CDK14: variants seen among roughly 807,000 people sequenced by gnomAD.
The protein encoded by CDK14 is cyclin-dependent kinase 14.
In CDK14, 34 loss-of-function variants were observed where a neutral mutation model predicts 60.7. The observed-to-expected ratio is 0.56, with a 90% CI of 0.43 to 0.75. The LOEUF (loss-of-function observed/expected upper bound fraction) is 0.75. CDK14 is among the 30% of genes least tolerant of loss of function. The pLI is 0.00. For missense variants in CDK14, 482 were observed against 564.1 expected (o/e 0.85, Z 1.47); for synonymous variants, 197 against 203.7 (o/e 0.97, Z 0.28).
intron 5 of CDK14, among the ~76,000 whole-genome samples, chr7:90,845,410 T>C (rs914179948): frequency 8.5e-5 from 13 of 152,258 alleles, no homozygotes; most frequent in Admixed American, 7.2e-4. Context: ...AAAACTATTA[T>C]ATAGAAATAT....
intron 4 of CDK14, among the ~76,000 whole-genome samples, chr7:90,772,089 C>G (rs1428852172): frequency 6.6e-6 from 1 of 152,142 alleles, no homozygotes; most frequent in Non-Finnish European, 1.5e-5. Context: ...TGGATATAGT[C>G]TCTGTACCTG....
intron 2 of CDK14, among the ~76,000 whole-genome samples, chr7:90,625,410 T>A (rs2116384990): frequency 6.6e-6 from 1 of 152,334 alleles, no homozygotes; most frequent in African/African-American, 2.4e-5. Flanking sequence ...TTCAGTTGGT[T>A]AGTTTCTTCC....
Position 90,815,396 on chromosome 7 carries a change from A to G in CDK14, c.544+24744A>G, listed in dbSNP as rs192069885. On this transcript the variant is annotated intron_variant, in intron 5 of 14. Coordinates refer to ENST00000380050, the MANE Select transcript of CDK14 (RefSeq NM_001287135.2). The stretch of plus-strand genomic sequence containing the variant: ...TCATCTCATGCCAGTTAGAATGGCA[A>G]TCATTAAAAAGTCAGGGAACAACAG... Among the ~76,000 whole-genome samples the G allele has an allele frequency of 3.0e-3, 455 of 152,336 alleles. 3 individuals are homozygous for G. The highest frequency in any genetic ancestry group is 0.01 in the African/African-American group (420 of 41,564).
chr7:91,163,994 C>A (rs765566280), intron 14 of CDK14, among the ~76,000 whole-genome samples: 1 of 151,456 alleles, frequency 6.6e-6, no homozygotes, highest in Non-Finnish European at 1.5e-5. Context: ...ATATTGGATT[C>A]ATATTGCCTA....
In CDK14 at chr7:91,004,101, T is replaced by C. The variant is rs1225890431; in HGVS notation, c.1041+19860T>C. Among the ~76,000 whole-genome samples, 13 of 152,162 alleles carry C rather than the reference T, an allele frequency of 8.5e-5. No individual in the cohort carries two copies. The East Asian group carries it at 2.5e-3, about 30-fold the overall frequency. ...TGATCTATGCGTTCATACTACAAAGTAGAAGTATAGAAGCAAATTAAATTG... is the reference window on the plus strand; with the variant it reads ...TGATCTATGCGTTCATACTACAAAGCAGAAGTATAGAAGCAAATTAAATTG... On this transcript the variant is annotated intron_variant, in intron 10 of 14. Transcript: ENST00000380050.
intron 11 of CDK14, among the ~76,000 whole-genome samples, chr7:91,047,081 A>G (rs2116031981): frequency 6.6e-6 from 1 of 152,262 alleles, no homozygotes; most frequent in South Asian, 2.1e-4. Context: ...TTTTAAATGG[A>G]CTGACTTTCT....
At chr7:90,940,221 A>G (rs1026652956) in intron 8 of CDK14, among the ~76,000 whole-genome samples, 3 of 152,148 alleles carry the variant, frequency 2.0e-5, no homozygotes, top group South Asian at 2.1e-4. Context: ...TTTCTTATGC[A>G]TCTTTCCAGA....
chr7:90,924,722 A>G (rs539972919), intron 8 of CDK14, among the ~76,000 whole-genome samples: 6 of 152,102 alleles, frequency 3.9e-5, no homozygotes, highest in Non-Finnish European at 7.4e-5. Flanking sequence ...TTAATTTGTG[A>G]TTTTAAACCT....
chr7:90,857,708 G>GT (rs1282305316), intron 5 of CDK14, among the ~76,000 whole-genome samples: 1 of 152,178 alleles, frequency 6.6e-6, no homozygotes, highest in East Asian at 1.9e-4. Context: ...TGCTTGTCTT[G>GT]ATGAGGGAGA....
At chr7:91,030,431 G>C (rs1175327517) in intron 10 of CDK14, among the ~76,000 whole-genome samples, 2 of 151,924 alleles carry the variant, frequency 1.3e-5, no homozygotes, top group Non-Finnish European at 2.9e-5. Context: ...AGTTACTGTG[G>C]GCATAGCACC....
intron 4 of CDK14, among the ~76,000 whole-genome samples, chr7:90,789,798 G>A (rs1805750904): frequency 6.6e-6 from 1 of 152,046 alleles, no homozygotes; most frequent in African/African-American, 2.4e-5. Flanking sequence ...CCCAGTGTAG[G>A]TAGAAAATAG....
chr7:91,034,449 C>T (rs927297611), intron 10 of CDK14, among the ~76,000 whole-genome samples: 1 of 152,024 alleles, frequency 6.6e-6, no homozygotes, highest in Non-Finnish European at 1.5e-5. Context: ...CAGTAACCTT[C>T]TAGCAGGTGA....
chr7:91,107,523 A>T (rs1204053846), intron 12 of CDK14: 2 of 152,186 alleles, frequency 1.3e-5, no homozygotes, highest in Non-Finnish European at 2.9e-5. Context: ...CCTGTTGATG[A>T]CTGGTTATGT....
chr7:90,608,576 G>C, intron 2 of CDK14: 1 of 983,316 alleles, frequency 1.0e-6, no homozygotes, highest in Non-Finnish European at 1.2e-6. Flanking sequence ...TGGCTCTTTG[G>C]TGAGAAATAC....
At chr7:90,895,864 C>T (rs1792321335) in intron 6 of CDK14, among the ~76,000 whole-genome samples, 1 of 151,194 alleles carries the variant, frequency 6.6e-6, no homozygotes, top group African/African-American at 2.4e-5. Context: ...ACATAAGCCA[C>T]CATGCCCACC....
chr7:90,676,511 C>A (rs1049209204), intron 2 of CDK14, among the ~76,000 whole-genome samples: 1 of 150,558 alleles, frequency 6.6e-6, no homozygotes, highest in Non-Finnish European at 1.5e-5. Flanking sequence ...ACTCCAGGAC[C>A]AGTCTTAGAT....
chr7:91,110,807 G>A (rs1388319634), intron 12 of CDK14, among the ~76,000 whole-genome samples: 31 of 152,098 alleles, frequency 2.0e-4, no homozygotes, highest in Admixed American at 2.0e-3. Context: ...AAATTGATAT[G>A]AACATACTGT....
chr7:90,899,229 A>G, intron 6 of CDK14, 62 bp from the exon 7 acceptor site: 3 of 1,313,704 alleles, frequency 2.3e-6, no homozygotes, highest in South Asian at 1.4e-5. Flanking sequence ...GAAGTAGGAA[A>G]ATATTGATTT....
At chr7:90,902,794 C>T (rs1052130521) in intron 7 of CDK14, among the ~76,000 whole-genome samples, 2 of 151,938 alleles carry the variant, frequency 1.3e-5, no homozygotes, top group African/African-American at 4.8e-5. Context: ...GAAACAGGAG[C>T]AAAGATACAA....
Sources: allele counts gnomAD v4.1 joint callset (sites outside exome capture counted in the v4.1 genomes callset), GRCh38; gene constraint gnomAD v4.1.1; transcripts MANE v1.5; gene names NCBI Gene and HGNC (gene_info 2026-07-23, HGNC 2026-07-21).